SAMD12: variants seen among roughly 807,000 people sequenced by gnomAD.
SAMD12 encodes sterile alpha motif domain containing 12.
In SAMD12, 9 loss-of-function variants were observed where a neutral mutation model predicts 15.0. The ratio of observed to expected loss-of-function variants is 0.60; its 90% CI spans 0.36 to 1.05. SAMD12 has a LOEUF of 1.05. SAMD12 is among the 50% of genes least tolerant of loss of function. SAMD12 has a pLI of 0.01. For missense variants in SAMD12, 230 were observed against 234.2 expected (o/e 0.98, Z 0.12); for synonymous variants, 86 against 90.1 (o/e 0.96, Z 0.25).
At chr8:118,551,773 C>A (rs1826342684) in intron 2 of SAMD12, among the ~76,000 whole-genome samples, 1 of 151,484 alleles carries the variant, frequency 6.6e-6, no homozygotes, top group Non-Finnish European at 1.5e-5. Flanking sequence ...AATTGATAGA[C>A]CGCTAGCAAG....
At chr8:118,391,270 A>G (rs1199477291) in intron 3 of SAMD12, among the ~76,000 whole-genome samples, 1 of 152,232 alleles carries the variant, frequency 6.6e-6, no homozygotes, top group African/African-American at 2.4e-5. Context: ...AATGGAGACT[A>G]TAATGGAAGA....
intron 3 of SAMD12, among the ~76,000 whole-genome samples, chr8:118,427,453 T>C (rs1327561406): frequency 6.6e-6 from 1 of 152,204 alleles, no homozygotes; most frequent in Non-Finnish European, 1.5e-5. Flanking sequence ...TTACAGTCAA[T>C]TCCCTTTTAC....
intron 4 of SAMD12, among the ~76,000 whole-genome samples, chr8:118,204,658 G>A (rs1819812069): frequency 6.6e-6 from 1 of 152,162 alleles, no homozygotes; most frequent in Non-Finnish European, 1.5e-5. Flanking sequence ...GGAGGCTGAG[G>A]CAGAAGAATG....
intron 4 of SAMD12, among the ~76,000 whole-genome samples, chr8:118,259,303 A>T (rs1015136194): frequency 2.0e-5 from 3 of 152,266 alleles, no homozygotes; most frequent in African/African-American, 7.2e-5. Flanking sequence ...ATTGAAAAAG[A>T]ATGCTTAATG....
chr8:118,597,080 T>C (rs1827742057), intron 1 of SAMD12, among the ~76,000 whole-genome samples: 1 of 151,932 alleles, frequency 6.6e-6, no homozygotes, highest in African/African-American at 2.4e-5. Flanking sequence ...TCAGCATGCA[T>C]GGGGCACAGA....
intron 2 of SAMD12, among the ~76,000 whole-genome samples, chr8:118,516,783 C>G (rs1189644122): frequency 1.3e-5 from 2 of 151,924 alleles, no homozygotes; most frequent in African/African-American, 2.4e-5. Context: ...GGACTACAGG[C>G]CCACACCACT....
intron 4 of SAMD12, among the ~76,000 whole-genome samples, chr8:118,305,619 G>A (rs1341026808): frequency 6.6e-6 from 1 of 152,118 alleles, no homozygotes; most frequent in East Asian, 1.9e-4. Flanking sequence ...TTGAGTCCCT[G>A]CTTTCCACAG....
At chr8:118,417,117 G>A (rs1399325339) in intron 3 of SAMD12, among the ~76,000 whole-genome samples, 1 of 151,902 alleles carries the variant, frequency 6.6e-6, no homozygotes, top group African/African-American at 2.4e-5. Context: ...TTGAGACAGA[G>A]TATCTATTGC....
intron 2 of SAMD12, among the ~76,000 whole-genome samples, chr8:118,492,630 A>T (rs1824484539): frequency 6.6e-6 from 1 of 152,124 alleles, no homozygotes; most frequent in Non-Finnish European, 1.5e-5. Context: ...TGTCACTTGT[A>T]TTATTACAGT....
intron 1 of SAMD12, among the ~76,000 whole-genome samples, chr8:118,613,129 T>A (rs919838570): frequency 7.2e-5 from 11 of 152,210 alleles, no homozygotes; most frequent in African/African-American, 2.7e-4. Context: ...ATGGTGGTAG[T>A]GGTTACAAGA....
At chr8:118,159,581 C>T in the SAMD12 span, among the ~76,000 whole-genome samples, 1 of 152,154 alleles carries the variant, frequency 6.6e-6, no homozygotes, top group Non-Finnish European at 1.5e-5. Context: ...CAAAGCAACC[C>T]TCCAAGGATC....
At chr8:118,436,726 C>T (rs1822583778) in intron 3 of SAMD12, among the ~76,000 whole-genome samples, 1 of 152,148 alleles carries the variant, frequency 6.6e-6, no homozygotes, top group African/African-American at 2.4e-5. Flanking sequence ...CCCTTAGATG[C>T]TTCTTTCCCT....
At chr8:118,463,684 CA>C (rs942176228) in intron 2 of SAMD12, among the ~76,000 whole-genome samples, 1 of 152,134 alleles carries the variant, frequency 6.6e-6, no homozygotes, top group African/African-American at 2.4e-5. Context: ...ACCCAGGTGG[CA>C]AAATCTGACT....
chr8:118,248,337 C>T (rs961363842), intron 4 of SAMD12, among the ~76,000 whole-genome samples: 5 of 152,140 alleles, frequency 3.3e-5, no homozygotes, highest in African/African-American at 7.2e-5. Flanking sequence ...ACATTACACA[C>T]GGAGTCCTGT....
chr8:118,280,823 G>A (rs1008660144), intron 4 of SAMD12, among the ~76,000 whole-genome samples: 20 of 152,172 alleles, frequency 1.3e-4, no homozygotes, highest in African/African-American at 4.8e-4. Flanking sequence ...TTCTCTAGAA[G>A]TAAGAGTTCT....
intron 3 of SAMD12, among the ~76,000 whole-genome samples, chr8:118,383,402 T>C (rs16890925): frequency 0.049 from 7,527 of 152,212 alleles, 612 homozygotes; most frequent in African/African-American, 0.17. Context: ...GTAATGAACA[T>C]GTAACCTAGG....
the SAMD12 span, among the ~76,000 whole-genome samples, chr8:118,153,427 T>G: frequency 2.0e-5 from 3 of 152,294 alleles, no homozygotes; most frequent in African/African-American, 7.2e-5. Context: ...CTCTGTTTTT[T>G]GTGAAAGGAA....
chr8:118,259,542 C>T (rs1813029364), intron 4 of SAMD12, among the ~76,000 whole-genome samples: 1 of 152,118 alleles, frequency 6.6e-6, no homozygotes, highest in Non-Finnish European at 1.5e-5. Context: ...TTTAGTGGAA[C>T]ACAATTTAAT....
chr8:118,509,779 A>G (rs1413676531), intron 2 of SAMD12, among the ~76,000 whole-genome samples: 1 of 152,218 alleles, frequency 6.6e-6, no homozygotes, highest in East Asian at 1.9e-4. Context: ...TGTCCTTCAC[A>G]TGTGTCCTAA....
Sources: gnomAD v4.1 joint callset for allele counts (sites outside exome capture counted in the v4.1 genomes callset) on GRCh38, gnomAD v4.1.1 for gene constraint, MANE v1.5 for transcripts, NCBI Gene and HGNC (gene_info 2026-07-23, HGNC 2026-07-21) for gene names.